ADARB2: variants seen among roughly 807,000 people sequenced by gnomAD.
ADARB2 encodes the protein inactive double-stranded RNA-specific editase B2.
In ADARB2, 25 loss-of-function variants were observed where a neutral mutation model predicts 62.2. The ratio of observed to expected loss-of-function variants is 0.40; its 90% confidence interval spans 0.29 to 0.56. ADARB2 has a LOEUF of 0.56. Among genes scored for constraint, ADARB2 ranks in the 20% least tolerant of loss-of-function variants. ADARB2 has a pLI of 0.43. For synonymous variants in ADARB2, 572 were observed against 500.8 expected (o/e 1.14, Z -1.90); for missense variants, 1,071 against 1,077.4 (o/e 0.99, Z 0.08).
At chr10:1,453,885 T>G (rs958400804) in intron 1 of ADARB2, among the ~76,000 whole-genome samples, 1 of 152,188 alleles carries the variant, frequency 6.6e-6, no homozygotes, top group Non-Finnish European at 1.5e-5. Context: ...ATGGTGGGAA[T>G]GTAAGATGGT....
intron 3 of ADARB2, among the ~76,000 whole-genome samples, chr10:1,312,648 C>T (rs367958157): frequency 8.5e-5 from 13 of 152,224 alleles, no homozygotes; most frequent in South Asian, 2.1e-4. Context: ...GGCGCTGCCA[C>T]GTTTCCCATT....
At chr10:1,685,246 G>T (rs1834584276) in intron 1 of ADARB2, among the ~76,000 whole-genome samples, 1 of 152,188 alleles carries the variant, frequency 6.6e-6, no homozygotes, top group African/African-American at 2.4e-5. Flanking sequence ...GTGTGCCTGT[G>T]AGGAAGATAG....
intron 4 of ADARB2, among the ~76,000 whole-genome samples, chr10:1,267,981 A>T (rs1465158890): frequency 6.6e-6 from 1 of 152,210 alleles, no homozygotes; most frequent in East Asian, 1.9e-4. Flanking sequence ...TAACACGTAT[A>T]ATTGAGAGAG....
At chr10:1,287,361 A>G (rs1831423560) in intron 3 of ADARB2, among the ~76,000 whole-genome samples, 1 of 152,234 alleles carries the variant, frequency 6.6e-6, no homozygotes, top group Non-Finnish European at 1.5e-5. Context: ...TGACATAGCC[A>G]CCACCTCAAA....
At chr10:1,186,462 C>T in intron 8 of ADARB2, 1 of 518,782 alleles carries the variant, frequency 1.9e-6, no homozygotes, top group Non-Finnish European at 3.8e-6. Context: ...ATTGGTGCCT[C>T]CTGAATCTCC....
chr10:1,659,346 C>T (rs558630273), intron 1 of ADARB2, among the ~76,000 whole-genome samples: 13 of 152,314 alleles, frequency 8.5e-5, no homozygotes, highest in South Asian at 2.1e-4. Context: ...CTCACATCCC[C>T]GTCCTGTCTA....
At chr10:1,688,057 T>C (rs1034610850) in intron 1 of ADARB2, among the ~76,000 whole-genome samples, 1 of 152,210 alleles carries the variant, frequency 6.6e-6, no homozygotes, top group African/African-American at 2.4e-5. Context: ...ACACAATTAT[T>C]TTAAGTAAAA....
At chr10:1,658,736 C>G (rs1338500827) in intron 1 of ADARB2, among the ~76,000 whole-genome samples, 1 of 152,256 alleles carries the variant, frequency 6.6e-6, no homozygotes, top group Non-Finnish European at 1.5e-5. Flanking sequence ...CTCCAACCTG[C>G]CTTAGGTCGT....
chr10:1,631,279 G>A (rs907621313), intron 1 of ADARB2, among the ~76,000 whole-genome samples: 3 of 152,088 alleles, frequency 2.0e-5, no homozygotes, highest in Admixed American at 1.3e-4. Flanking sequence ...AATGAGGCCT[G>A]TAGAGCACCC....
At chr10:1,526,448 G>C (rs1019473009) in intron 1 of ADARB2, among the ~76,000 whole-genome samples, 2 of 152,018 alleles carry the variant, frequency 1.3e-5, no homozygotes, top group African/African-American at 4.8e-5. Context: ...GGGATGCTGG[G>C]GTCAGGGGTG....
At chr10:1,498,013 T>C (rs530177560) in intron 1 of ADARB2, among the ~76,000 whole-genome samples, 171 of 152,154 alleles carry the variant, frequency 1.1e-3, no homozygotes, top group African/African-American at 4.1e-3. Context: ...CAAATATTTG[T>C]GTGTATATGG....
At chr10:1,195,938 C>T (rs1001797162) in intron 8 of ADARB2, among the ~76,000 whole-genome samples, 3 of 152,236 alleles carry the variant, frequency 2.0e-5, no homozygotes, top group African/African-American at 7.2e-5. Context: ...GTCTGGGGAA[C>T]CAAACAGCAG....
chr10:1,597,777 A>G (rs1833353661), intron 1 of ADARB2, among the ~76,000 whole-genome samples: 1 of 152,234 alleles, frequency 6.6e-6, no homozygotes, highest in Non-Finnish European at 1.5e-5. Flanking sequence ...CTGGATATCT[A>G]CCCAAAGGGA....
At chr10:1,647,028 T>G (rs1834051606) in intron 1 of ADARB2, among the ~76,000 whole-genome samples, 1 of 152,258 alleles carries the variant, frequency 6.6e-6, no homozygotes, top group Non-Finnish European at 1.5e-5. Flanking sequence ...GAAAACTGTG[T>G]GCCGTGTTGC....
intron 1 of ADARB2, among the ~76,000 whole-genome samples, chr10:1,575,700 C>G (rs1833001372): frequency 6.6e-6 from 1 of 152,188 alleles, no homozygotes; most frequent in Non-Finnish European, 1.5e-5. Context: ...GGAGGTTCAG[C>G]TGGGGGACTC....
At chr10:1,452,001 G>A (rs561745337) in intron 1 of ADARB2, among the ~76,000 whole-genome samples, 1 of 152,322 alleles carries the variant, frequency 6.6e-6, no homozygotes, top group South Asian at 2.1e-4. Flanking sequence ...ACAGCCTTAT[G>A]AACGGTACCT....
chr10:1,194,640 A>G (rs1836885126), intron 8 of ADARB2, among the ~76,000 whole-genome samples: 1 of 152,042 alleles, frequency 6.6e-6, no homozygotes, highest in African/African-American at 2.4e-5. Flanking sequence ...CTGTGCTCCC[A>G]TTTATTAATT....
intron 1 of ADARB2, among the ~76,000 whole-genome samples, chr10:1,459,178 A>G (rs56285668): frequency 0.28 from 42,906 of 152,158 alleles, 6,360 homozygotes; most frequent in East Asian, 0.49. Context: ...ATTATTAATT[A>G]TATACCCAAA....
intron 1 of ADARB2, among the ~76,000 whole-genome samples, chr10:1,476,285 C>T (rs1564301508): frequency 6.6e-6 from 1 of 152,074 alleles, no homozygotes; most frequent in Non-Finnish European, 1.5e-5. Flanking sequence ...GTGTGGAGGT[C>T]GAGGTCCAGC....
Sources: gnomAD v4.1 joint callset for allele counts (sites outside exome capture counted in the v4.1 genomes callset) on GRCh38, gnomAD v4.1.1 for gene constraint, MANE v1.5 for transcripts, NCBI Gene and HGNC (gene_info 2026-07-23, HGNC 2026-07-21) for gene names.